Variants in TOLLIP observed in about 807,000 individuals in gnomAD.
TOLLIP encodes toll interacting protein, also known as toll-interacting protein.
A neutral mutation model predicts 33.5 loss-of-function variants in TOLLIP; 16 were observed. The observed-to-expected ratio is 0.48, with a 90% CI of 0.32 to 0.72. The LOEUF (loss-of-function observed/expected upper bound fraction) is 0.72. Among genes scored for constraint, TOLLIP ranks in the 30% least tolerant of loss-of-function variants. TOLLIP has a pLI of 0.03. For synonymous variants in TOLLIP, 176 were observed against 163.7 expected (o/e 1.07, Z -0.57); for missense variants, 325 against 396.6 (o/e 0.82, Z 1.53).
rs1380642283 is a variant in TOLLIP, at chr11:1,309,617, G to C, written c.-119C>G. The C allele has an allele frequency of 7.8e-6, 3 of 385,236 alleles. No individual in the cohort carries two copies. The Admixed American group carries it at 1.5e-4, about 19-fold the overall frequency. The allele number at this position is 385,236 out of a possible 1,614,324, so 23.9% of individuals were successfully genotyped here. A position where few individuals can be genotyped will look rare whatever the true frequency, so the allele number is the denominator to read the frequency against. On this transcript the variant is annotated 5_prime_UTR_variant, in exon 1 of 6. Transcript: ENST00000317204. ...TCACCTCGAGGCCGCCGCCGCCACA[G>C]TCAGCTGACAGCCGCCGCGCCCCGC...
At position 1,275,789 on chromosome 11, in the gene TOLLIP, T is replaced by C. The variant is rs1244611459; in HGVS notation, c.*1250A>G. 1 of 152,200 alleles carries C rather than the reference T, an allele frequency of 6.6e-6. No individual in the cohort carries two copies. Among genetic ancestry groups the C allele is most frequent in the Non-Finnish European group, 1.5e-5 (1 of 68,030 alleles). 9.4% of individuals were successfully genotyped at this position (152,200 alleles called of 1,614,324 possible). On this transcript the variant is annotated 3_prime_UTR_variant, in exon 6 of 6. Coordinates refer to ENST00000317204, the MANE Select transcript of TOLLIP (RefSeq NM_019009.4). ...AAAATGTAAGCACTAACTTCCTCCT[T>C]CTGCATCTTCCACAGAAGACCCACT... is the stretch of plus-strand genomic sequence containing the variant.
intron 1 of TOLLIP, among the ~76,000 whole-genome samples, chr11:1,308,553 G>T (rs560357534): frequency 2.0e-5 from 3 of 152,312 alleles, no homozygotes; most frequent in Admixed American, 2.0e-4. Context: ...ACTCACGCCA[G>T]GAGCCCATCA....
intron 3 of TOLLIP, among the ~76,000 whole-genome samples, chr11:1,289,184 G>A (rs1323575120): frequency 6.6e-6 from 1 of 152,170 alleles, no homozygotes; most frequent in Non-Finnish European, 1.5e-5. Context: ...AAGGACACGG[G>A]GTCTGCCTCC....
intron 5 of TOLLIP, among the ~76,000 whole-genome samples, chr11:1,281,655 G>A (rs553277901): frequency 7.2e-5 from 11 of 152,350 alleles, no homozygotes; most frequent in East Asian, 1.9e-4. Flanking sequence ...GGCCCACTCC[G>A]GCAGCCCCGT....
At chr11:1,304,088 C>G (rs1864359581) in intron 1 of TOLLIP, among the ~76,000 whole-genome samples, 1 of 148,270 alleles carries the variant, frequency 6.7e-6, no homozygotes, top group Non-Finnish European at 1.5e-5. Flanking sequence ...AGGCCAGAAG[C>G]AGCGTATTCA....
intron 1 of TOLLIP, among the ~76,000 whole-genome samples, chr11:1,301,308 C>A (rs1011194220): frequency 6.6e-6 from 1 of 152,204 alleles, no homozygotes; most frequent in African/African-American, 2.4e-5. Context: ...GGAATTAAAT[C>A]ACAAAATGTC....
rs760715472 is a variant in TOLLIP at position 1,275,619 on chromosome 11, C to T, written c.*1420G>A. 2.0e-5 allele frequency: 3 copies of T among 152,168 alleles called. No homozygotes were observed. Among genetic ancestry groups the T allele is most frequent in the Non-Finnish European group, 4.4e-5 (3 of 68,036 alleles). 9.4% of individuals were successfully genotyped at this position (152,168 alleles called of 1,614,324 possible). A position where few individuals can be genotyped will look rare whatever the true frequency, so the allele number is the denominator to read the frequency against. ...GCCTGCTGCCAGCATGTCCCTCCCCCACGGCCACCACACACTTCAAGTTTA... is the reference window on the plus strand; with the variant it reads ...GCCTGCTGCCAGCATGTCCCTCCCCTACGGCCACCACACACTTCAAGTTTA... On this transcript the variant is annotated 3_prime_UTR_variant, in exon 6 of 6. Coordinates refer to ENST00000317204, the MANE Select transcript of TOLLIP (RefSeq NM_019009.4).
At chr11:1,301,991 G>A (rs1170443634) in intron 1 of TOLLIP, among the ~76,000 whole-genome samples, 1 of 152,214 alleles carries the variant, frequency 6.6e-6, no homozygotes, top group Non-Finnish European at 1.5e-5. Flanking sequence ...CAGCACAGTT[G>A]GTCCAGATGA....
chr11:1,309,430 C>A (rs771337221), intron 1 of TOLLIP, 36 bp downstream of exon 1: 1 of 1,239,960 alleles, frequency 8.1e-7, no homozygotes, highest in Non-Finnish European at 1.0e-6. Context: ...AACCGCAGGT[C>A]ACCGCCCCCG....
intron 5 of TOLLIP, among the ~76,000 whole-genome samples, chr11:1,281,216 C>T (rs559470168): frequency 5.9e-5 from 9 of 152,322 alleles, no homozygotes; most frequent in East Asian, 5.8e-4. Flanking sequence ...CTGTTCTCTT[C>T]GGGCCATGAT....
At chr11:1,289,158 C>T (rs1006683530) in intron 3 of TOLLIP, among the ~76,000 whole-genome samples, 3 of 152,166 alleles carry the variant, frequency 2.0e-5, no homozygotes, top group Admixed American at 2.0e-4. Context: ...CCAGAGCAGC[C>T]GGGGTGCAGA....
intron 5 of TOLLIP, 92 bp downstream of exon 5, chr11:1,285,910 G>A (rs530137315): frequency 1.7e-5 from 16 of 916,770 alleles, no homozygotes; most frequent in Middle Eastern, 2.5e-4. Context: ...TCCCCACCCC[G>A]GCGCTCTAAG....
intron 4 of TOLLIP, among the ~76,000 whole-genome samples, chr11:1,286,393 C>T (rs1046978951): frequency 2.0e-5 from 3 of 152,182 alleles, no homozygotes; most frequent in Admixed American, 6.5e-5. Flanking sequence ...GTGTAGGTGT[C>T]GAGTCGGCCT....
In TOLLIP at chr11:1,289,433, C is replaced by T. The variant is rs578133277; in HGVS notation, c.367-657G>A. On this transcript the variant is annotated intron_variant, in intron 3 of 5. Coordinates refer to ENST00000317204, the MANE Select transcript of TOLLIP (RefSeq NM_019009.4). ...CACTGAGCAGCAGCCTCGCCACATC[C>T]CCTCTGACCTTCTGACTCTGCCTCA... 8.5e-4 allele frequency among the ~76,000 whole-genome samples: 129 copies of T among 152,360 alleles called. 1 individual carries two copies. Among genetic ancestry groups the T allele is most frequent in the Admixed American group, 1.6e-3 (24 of 15,312 alleles).
At chr11:1,291,824 A>G (rs917048572) in intron 2 of TOLLIP, 1 of 37,698 alleles carries the variant, frequency 2.7e-5, no homozygotes, top group Non-Finnish European at 5.7e-5. Flanking sequence ...TCACCGACCC[A>G]CCTCTGAGGG....
At chr11:1,296,725 C>A (rs1159751659) in intron 1 of TOLLIP, among the ~76,000 whole-genome samples, 26 of 106,394 alleles carry the variant, frequency 2.4e-4, no homozygotes, top group African/African-American at 9.7e-4. Flanking sequence ...GGCCTGGTTG[C>A]TGGAGGAGTG....
At position 1,290,158 on chromosome 11, in the gene TOLLIP, A is replaced by G; in HGVS notation, c.366+69T>C. On this transcript the variant is annotated intron_variant, in intron 3 of 5. Coordinates refer to ENST00000317204, the MANE Select transcript of TOLLIP (RefSeq NM_019009.4). The surrounding 1 kb of genome is among the most constrained non-coding windows in gnomAD (Gnocchi z 4.9). ...CAGCCAGGAACGTGGCTGTGTTGGC[A>G]GGTGTGTCCCCACGGCAGCCACGCT... is the stretch of plus-strand genomic sequence containing the variant. The G allele has an allele frequency of 6.6e-7, 1 of 1,520,650 alleles. No individual in the cohort carries two copies. 94.2% of individuals were successfully genotyped at this position (1,520,650 alleles called of 1,614,324 possible). A position where few individuals can be genotyped will look rare whatever the true frequency, so the allele number is the denominator to read the frequency against.
At chr11:1,282,512 A>T (rs1230936565) in intron 5 of TOLLIP, among the ~76,000 whole-genome samples, 1 of 151,684 alleles carries the variant, frequency 6.6e-6, no homozygotes, top group Non-Finnish European at 1.5e-5. Flanking sequence ...GTTTAGGAGA[A>T]ATACCTAATG....
intron 2 of TOLLIP, among the ~76,000 whole-genome samples, chr11:1,293,818 C>A (rs1177395044): frequency 6.6e-6 from 1 of 152,362 alleles, no homozygotes; most frequent in East Asian, 1.9e-4. Context: ...GGTGATGGCA[C>A]TGGCTGGCCT....
Sources: gnomAD v4.1 joint callset for allele counts (sites outside exome capture counted in the v4.1 genomes callset) on GRCh38, gnomAD v4.1.1 for gene constraint, Gnocchi (gnomAD v3.1) non-coding constraint, MANE v1.5 for transcripts, NCBI Gene and HGNC (gene_info 2026-07-23, HGNC 2026-07-21) for gene names.